Variants in THSD7A observed in about 807,000 individuals in gnomAD.
THSD7A encodes thrombospondin type-1 domain-containing protein 7A.
A neutral mutation model predicts 231.3 loss-of-function variants in THSD7A; 96 were observed. The ratio of observed to expected loss-of-function variants is 0.41; its 90% CI spans 0.35 to 0.49. THSD7A has a LOEUF of 0.49. THSD7A is among the 20% of genes least tolerant of loss of function. The pLI is 0.05. For missense variants in THSD7A, 2,290 were observed against 2,070.2 expected, an observed-to-expected ratio of 1.11 and a Z score of -2.06; for synonymous variants, 940 against 743.3, an observed-to-expected ratio of 1.26 and a Z score of -4.30.
chr7:11,715,965 T>C (rs942896559), intron 1 of THSD7A, among the ~76,000 whole-genome samples: 2 of 151,564 alleles, frequency 1.3e-5, no homozygotes, highest in African/African-American at 2.4e-5. Flanking sequence ...GAAACCCATA[T>C]ACCTTAGAGT....
rs1204480324 is a variant in THSD7A at position 11,370,497 on chromosome 7, A to G, written c.*5297T>C. The G allele has an allele frequency of 6.6e-6, 1 of 152,230 alleles. No homozygotes were observed. The highest frequency in any genetic ancestry group is 1.5e-5 in the Non-Finnish European group (1 of 68,042). The allele number at this position is 152,230 out of a possible 1,614,324, so 9.4% of individuals were successfully genotyped here. On this transcript the variant is annotated 3_prime_UTR_variant, in exon 28 of 28. Coordinates refer to ENST00000423059, the MANE Select transcript of THSD7A (RefSeq NM_015204.3). Reference sequence around the variant, plus strand: ...CAATATAGTTATTTACAAATAACCCATATGAAAATGTAAAAAAGCATATTA... The same window carrying G: ...CAATATAGTTATTTACAAATAACCCGTATGAAAATGTAAAAAAGCATATTA...
chr7:11,715,545 C>G (rs1407089001), intron 1 of THSD7A, among the ~76,000 whole-genome samples: 3 of 151,238 alleles, frequency 2.0e-5, no homozygotes. Flanking sequence ...AAGATTTTTT[C>G]TTTCCTTCTT....
intron 2 of THSD7A, among the ~76,000 whole-genome samples, chr7:11,623,064 A>G (rs1781370713): frequency 6.6e-6 from 1 of 152,202 alleles, no homozygotes; most frequent in African/African-American, 2.4e-5. Flanking sequence ...AGTGCTTTAT[A>G]CTTGCCTAAA....
chr7:11,593,571 A>G, intron 2 of THSD7A, 69 bp from the exon 3 acceptor site: 1 of 1,540,410 alleles, frequency 6.5e-7, no homozygotes, highest in African/African-American at 1.4e-5. Flanking sequence ...TCTACGCTCA[A>G]GAGTGAATCA....
At chr7:11,574,587 A>T (rs1221964183) in intron 4 of THSD7A, among the ~76,000 whole-genome samples, 1 of 146,178 alleles carries the variant, frequency 6.8e-6, no homozygotes, top group Non-Finnish European at 1.5e-5. Context: ...GGCGCCCACC[A>T]CCACGCCCGG....
intron 1 of THSD7A, among the ~76,000 whole-genome samples, chr7:11,638,685 G>A (rs1781962120): frequency 6.6e-6 from 1 of 152,058 alleles, no homozygotes; most frequent in East Asian, 1.9e-4. Flanking sequence ...ATGCTTATTA[G>A]TGATGTAACA....
chr7:11,381,099 C>G (rs540043400), intron 24 of THSD7A, among the ~76,000 whole-genome samples: 202 of 152,226 alleles, frequency 1.3e-3, no homozygotes, highest in African/African-American at 4.6e-3. Flanking sequence ...TGGAGACATT[C>G]GTTTCCAATC....
intron 6 of THSD7A, among the ~76,000 whole-genome samples, chr7:11,524,232 G>A (rs1395441768): frequency 6.6e-6 from 1 of 152,118 alleles, no homozygotes; most frequent in Admixed American, 6.6e-5. Flanking sequence ...GAATGCCAGT[G>A]TATTGGACAG....
intron 11 of THSD7A, among the ~76,000 whole-genome samples, chr7:11,451,558 G>A (rs1285076217): frequency 1.3e-5 from 2 of 151,906 alleles, no homozygotes; most frequent in Non-Finnish European, 2.9e-5. Context: ...GTGTATCTTT[G>A]AAACTTCCCA....
intron 1 of THSD7A, among the ~76,000 whole-genome samples, chr7:11,809,082 C>T (rs1241782215): frequency 1.3e-5 from 2 of 152,046 alleles, no homozygotes; most frequent in African/African-American, 4.8e-5. Context: ...ATTCATTCAT[C>T]AACCATGTAC....
intron 6 of THSD7A, among the ~76,000 whole-genome samples, chr7:11,499,267 G>A (rs1212162563): frequency 6.6e-6 from 1 of 152,212 alleles, no homozygotes; most frequent in Non-Finnish European, 1.5e-5. Context: ...ATCTTGGGCT[G>A]ACTACACTGG....
intron 1 of THSD7A, among the ~76,000 whole-genome samples, chr7:11,811,763 T>A (rs995931140): frequency 2.6e-5 from 4 of 152,202 alleles, no homozygotes; most frequent in Non-Finnish European, 4.4e-5. Context: ...TCAGCTTAGC[T>A]GCCTGTGGAC....
intron 11 of THSD7A, among the ~76,000 whole-genome samples, chr7:11,448,051 G>T (rs1338254750): frequency 6.6e-6 from 1 of 152,058 alleles, no homozygotes; most frequent in African/African-American, 2.4e-5. Flanking sequence ...CAATGTCAAA[G>T]TCCTCCATCT....
At chr7:11,647,400 T>C (rs1584141856) in intron 1 of THSD7A, among the ~76,000 whole-genome samples, 1 of 152,144 alleles carries the variant, frequency 6.6e-6, no homozygotes, top group East Asian at 1.9e-4. Flanking sequence ...CACAGCACCA[T>C]ATTTTGCTTA....
chr7:11,778,018 G>A (rs887736804), intron 1 of THSD7A, among the ~76,000 whole-genome samples: 1 of 148,918 alleles, frequency 6.7e-6, no homozygotes, highest in African/African-American at 2.5e-5. Flanking sequence ...TTAGCCGGGC[G>A]TAGTGGCGGG....
At chr7:11,396,022 C>G (rs1377290240) in intron 23 of THSD7A, among the ~76,000 whole-genome samples, 1 of 152,162 alleles carries the variant, frequency 6.6e-6, no homozygotes, top group Non-Finnish European at 1.5e-5. Context: ...GGAAACTGAA[C>G]AACCTGCTCC....
intron 7 of THSD7A, among the ~76,000 whole-genome samples, chr7:11,478,097 C>T (rs1257732034): frequency 2.0e-5 from 3 of 152,156 alleles, no homozygotes; most frequent in Admixed American, 6.6e-5. Flanking sequence ...AATACATGTA[C>T]TTATTTTGTC....
At chr7:11,516,495 T>C in intron 6 of THSD7A, among the ~76,000 whole-genome samples, 1 of 152,156 alleles carries the variant, frequency 6.6e-6, no homozygotes, top group East Asian at 1.9e-4. Context: ...CATCTTCCTA[T>C]AAAAGGAAGC....
At chr7:11,625,568 T>A (rs6955807) in intron 2 of THSD7A, among the ~76,000 whole-genome samples, 16,365 of 151,596 alleles carry the variant, frequency 0.11, 1,162 homozygotes, top group East Asian at 0.24. Context: ...TATGAGATTT[T>A]AAAAAAAATA....
Sources: allele counts gnomAD v4.1 joint callset (sites outside exome capture counted in the v4.1 genomes callset), GRCh38; gene constraint gnomAD v4.1.1; transcripts MANE v1.5; gene names NCBI Gene and HGNC (gene_info 2026-07-23, HGNC 2026-07-21).